Variants in GPR39 observed in about 807,000 individuals in gnomAD.
GPR39 encodes G protein-coupled receptor 39.
Under a neutral mutation model 18.4 loss-of-function variants are expected in GPR39, and 23 were observed. That is an observed-to-expected ratio of 1.25 (90% CI 0.90 to 1.77). The LOEUF is 1.77. GPR39 is among the 40% of genes most tolerant of loss of function. The pLI is 0.00. For synonymous variants in GPR39, 280 were observed against 257.9 expected (o/e 1.09, Z -0.82); for missense variants, 647 against 602.4 (o/e 1.07, Z -0.78).
chr2:132,457,230 G>T (rs1680744561), intron 1 of GPR39, among the ~76,000 whole-genome samples: 1 of 151,872 alleles, frequency 6.6e-6, no homozygotes, highest in Admixed American at 6.6e-5. Context: ...TCATTAATTT[G>T]ATCTTCAATC....
At chr2:132,491,191 A>G (rs987060009) in intron 1 of GPR39, among the ~76,000 whole-genome samples, 1 of 152,216 alleles carries the variant, frequency 6.6e-6, no homozygotes, top group Admixed American at 6.5e-5. Context: ...GGAACAATAT[A>G]GGAATATTAA....
intron 1 of GPR39, among the ~76,000 whole-genome samples, chr2:132,579,132 G>T (rs1371457844): frequency 4.0e-5 from 6 of 150,636 alleles, no homozygotes; most frequent in East Asian, 2.0e-4. Context: ...GTACTCTTTA[G>T]CTGTGTCCCA....
At chr2:132,552,346 G>C (rs1393732789) in intron 1 of GPR39, among the ~76,000 whole-genome samples, 2 of 152,026 alleles carry the variant, frequency 1.3e-5, no homozygotes, top group Admixed American at 6.6e-5. Flanking sequence ...TCAAGATCTT[G>C]TTGTTTAAGT....
chr2:132,542,331 T>C (rs1679875228), intron 1 of GPR39, among the ~76,000 whole-genome samples: 1 of 152,190 alleles, frequency 6.6e-6, no homozygotes, highest in Admixed American at 6.5e-5. Context: ...GCCTGCCATG[T>C]CAGATGGCCA....
chr2:132,477,615 G>A (rs745646507), intron 1 of GPR39, among the ~76,000 whole-genome samples: 162 of 152,228 alleles, frequency 1.1e-3, no homozygotes, highest in Non-Finnish European at 1.5e-3. Context: ...AATCCAGCCC[G>A]CCAACTCATT....
At chr2:132,497,974 A>G (rs911377564) in intron 1 of GPR39, among the ~76,000 whole-genome samples, 17 of 152,186 alleles carry the variant, frequency 1.1e-4, no homozygotes, top group Non-Finnish European at 1.0e-4. Flanking sequence ...TCCAATCTGC[A>G]TTTATCATTG....
intron 1 of GPR39, among the ~76,000 whole-genome samples, chr2:132,497,455 G>A (rs990897108): frequency 2.0e-5 from 3 of 152,228 alleles, no homozygotes; most frequent in African/African-American, 4.8e-5. Context: ...AAGAACTTAC[G>A]TGACTACCAC....
intron 1 of GPR39, among the ~76,000 whole-genome samples, chr2:132,632,111 C>G (rs1422331035): frequency 6.6e-6 from 1 of 152,098 alleles, no homozygotes; most frequent in Non-Finnish European, 1.5e-5. Flanking sequence ...AGTCACTGGA[C>G]CCGGTCAAAT....
chr2:132,475,913 T>C (rs1681117611), intron 1 of GPR39, among the ~76,000 whole-genome samples: 2 of 152,214 alleles, frequency 1.3e-5, no homozygotes, highest in Middle Eastern at 3.2e-3. Flanking sequence ...GCCAATCAAA[T>C]GATGCAGCCA....
intron 1 of GPR39, among the ~76,000 whole-genome samples, chr2:132,512,007 C>G (rs1247830090): frequency 1.3e-5 from 2 of 152,200 alleles, no homozygotes; most frequent in African/African-American, 4.8e-5. Context: ...CCCCAATCCC[C>G]AGACAAACAC....
chr2:132,533,268 C>A (rs1418431791), intron 1 of GPR39, among the ~76,000 whole-genome samples: 1 of 152,028 alleles, frequency 6.6e-6, no homozygotes, highest in Non-Finnish European at 1.5e-5. Flanking sequence ...GAATAAAATT[C>A]CTAGGAATCC....
At chr2:132,574,665 GT>G (rs1680500020) in intron 1 of GPR39, among the ~76,000 whole-genome samples, 1 of 152,184 alleles carries the variant, frequency 6.6e-6, no homozygotes, top group Non-Finnish European at 1.5e-5. Flanking sequence ...AACCAAGGAG[GT>G]GGAGGTTGCA....
chr2:132,469,646 T>C (rs1283137382), intron 1 of GPR39, among the ~76,000 whole-genome samples: 1 of 152,138 alleles, frequency 6.6e-6, no homozygotes, highest in Non-Finnish European at 1.5e-5. Flanking sequence ...GTGATTTTTC[T>C]CCACCTGCCC....
intron 1 of GPR39, among the ~76,000 whole-genome samples, chr2:132,447,808 A>G (rs1017330616): frequency 2.0e-5 from 3 of 152,348 alleles, no homozygotes; most frequent in Non-Finnish European, 2.9e-5. Context: ...TGATAAAGCT[A>G]TTGACCTTTG....
intron 1 of GPR39, among the ~76,000 whole-genome samples, chr2:132,531,517 A>G (rs186933546): frequency 0.026 from 3,979 of 152,302 alleles, 148 homozygotes; most frequent in African/African-American, 0.088. Context: ...ATAGACAACT[A>G]CAGAACTCTC....
rs572823419 is a variant in GPR39 at position 132,622,301 on chromosome 2, C to T, written c.857-22800C>T. ...CCCACCTACTGTGGAGGCTGAGGCA[C>T]GAGAATTTCTTGAAACTGGGAGGCG... On this transcript the variant is annotated intron_variant, in intron 1 of 1. Transcript: ENST00000329321. 5.9e-5 allele frequency among the ~76,000 whole-genome samples: 9 copies of T among 152,110 alleles called. No individual in the cohort carries two copies. In the South Asian group the frequency reaches 1.5e-3, roughly 25 times the overall value.
At chr2:132,545,929 G>C (rs115305916) in intron 1 of GPR39, among the ~76,000 whole-genome samples, 1 of 152,184 alleles carries the variant, frequency 6.6e-6, no homozygotes, top group Non-Finnish European at 1.5e-5. Context: ...GAGAGGACAT[G>C]ATTGAGTTGT....
chr2:132,568,534 T>C (rs1247251266), intron 1 of GPR39, among the ~76,000 whole-genome samples: 1 of 151,958 alleles, frequency 6.6e-6, no homozygotes, highest in African/African-American at 2.4e-5. Flanking sequence ...GGCGAAACCC[T>C]GTCTCTATTA....
At chr2:132,607,518 C>T (rs1041365756) in intron 1 of GPR39, among the ~76,000 whole-genome samples, 6 of 152,088 alleles carry the variant, frequency 3.9e-5, no homozygotes, top group African/African-American at 1.4e-4. Context: ...GAAATTGATG[C>T]TTGTCTATAA....
Sources: allele counts gnomAD v4.1 joint callset (sites outside exome capture counted in the v4.1 genomes callset), GRCh38; gene constraint gnomAD v4.1.1; transcripts MANE v1.5; gene names NCBI Gene and HGNC (gene_info 2026-07-23, HGNC 2026-07-21).